CNOT2: variants seen among roughly 807,000 people sequenced by gnomAD.
CNOT2 encodes the protein CCR4-NOT transcription complex subunit 2, also known as CC chemokine receptor 4-negative regulator of transcription 2.
Under a neutral mutation model 72.1 loss-of-function variants are expected in CNOT2, and 7 were observed. The ratio of observed to expected loss-of-function variants is 0.10; its 90% confidence interval spans 0.06 to 0.18. The LOEUF is 0.18. Ranked by LOEUF, CNOT2 falls within the 10% of genes least tolerant of loss-of-function variation. CNOT2 has a pLI of 1.00. For missense variants in CNOT2, 345 were observed against 660.3 expected (o/e 0.52, Z 5.23); for synonymous variants, 196 against 225.6 (o/e 0.87, Z 1.17).
chr12:70,265,845 T>A (rs939965258), intron 1 of CNOT2, among the ~76,000 whole-genome samples: 3 of 152,078 alleles, frequency 2.0e-5, no homozygotes, highest in African/African-American at 7.2e-5. Context: ...TCAAAATATT[T>A]CTAAATTTCC....
chr12:70,338,893 A>G, intron 11 of CNOT2, 71 bp downstream of exon 11: 1 of 1,276,052 alleles, frequency 7.8e-7, no homozygotes, highest in Non-Finnish European at 1.1e-6. Context: ...ATATCATGTC[A>G]TCAAATTATC....
intron 1 of CNOT2, among the ~76,000 whole-genome samples, chr12:70,253,818 C>T (rs987160546): frequency 3.3e-5 from 5 of 152,112 alleles, no homozygotes; most frequent in Non-Finnish European, 5.9e-5. Context: ...TGTTCTGAGA[C>T]CCCAGTGGAT....
chr12:70,244,843 T>C (rs1013022183), intron 1 of CNOT2, among the ~76,000 whole-genome samples: 3 of 152,186 alleles, frequency 2.0e-5, no homozygotes, highest in Non-Finnish European at 2.9e-5. Context: ...GTTGAACATA[T>C]TTAGTGTCAT....
intron 2 of CNOT2, among the ~76,000 whole-genome samples, chr12:70,283,933 T>TTTA (rs1159702966): frequency 2.8e-5 from 4 of 144,938 alleles, no homozygotes; most frequent in Admixed American, 2.8e-4. Flanking sequence ...GATGTAAATT[T>TTTA]TTTTTTTTTT....
chr12:70,303,715 G>C (rs974010971), intron 2 of CNOT2, among the ~76,000 whole-genome samples: 1 of 152,088 alleles, frequency 6.6e-6, no homozygotes, highest in Non-Finnish European at 1.5e-5. Context: ...TCTTCTCGAG[G>C]AGTATCTTTG....
intron 3 of CNOT2, among the ~76,000 whole-genome samples, chr12:70,313,738 A>T (rs1287910178): frequency 6.6e-6 from 1 of 152,158 alleles, no homozygotes; most frequent in African/African-American, 2.4e-5. Context: ...ACCATCTGTA[A>T]TGTAAAAACT....
chr12:70,280,013 A>G (rs1187760936), intron 2 of CNOT2, among the ~76,000 whole-genome samples: 1 of 152,072 alleles, frequency 6.6e-6, no homozygotes, highest in Non-Finnish European at 1.5e-5. Flanking sequence ...AATTGTACGT[A>G]TTTATGGGGT....
intron 1 of CNOT2, among the ~76,000 whole-genome samples, chr12:70,272,088 G>A (rs1035358029): frequency 5.3e-5 from 8 of 152,272 alleles, no homozygotes; most frequent in Admixed American, 5.2e-4. Context: ...ACTAGACAAG[G>A]TGCTTCTGCT....
At chr12:70,259,043 C>T (rs910886849) in intron 1 of CNOT2, among the ~76,000 whole-genome samples, 1 of 152,170 alleles carries the variant, frequency 6.6e-6, no homozygotes, top group Non-Finnish European at 1.5e-5. Context: ...ATATACTCTT[C>T]ACAGTTGTTA....
At chr12:70,335,601 C>T in intron 8 of CNOT2, 38 bp downstream of exon 8, 3 of 1,533,478 alleles carry the variant, frequency 2.0e-6, no homozygotes, top group Non-Finnish European at 2.7e-6. Flanking sequence ...TAGAAAGTTT[C>T]CATTGTATGT....
intron 11 of CNOT2, among the ~76,000 whole-genome samples, chr12:70,339,190 C>T (rs566108137): frequency 6.6e-6 from 1 of 152,000 alleles, no homozygotes; most frequent in East Asian, 1.9e-4. Context: ...ACTTCAGCCA[C>T]TCCTTTAGTT....
chr12:70,340,965 G>C (rs570759859), intron 11 of CNOT2, among the ~76,000 whole-genome samples: 4 of 147,882 alleles, frequency 2.7e-5, no homozygotes, highest in Admixed American at 6.9e-5. Context: ...ATGCAATCTC[G>C]GGTCATTACA....
intron 2 of CNOT2, among the ~76,000 whole-genome samples, chr12:70,305,873 G>GTTTTTTTTTTTTTT (rs11412509): frequency 3.3e-4 from 20 of 60,082 alleles, no homozygotes; most frequent in Non-Finnish European, 4.2e-4. Flanking sequence ...TCTGAAGTTT[G>GTTTTTTTTTTTTTT]TTTTTTTTTT....
At chr12:70,326,282 A>G (rs1042022848) in intron 4 of CNOT2, among the ~76,000 whole-genome samples, 39 of 151,878 alleles carry the variant, frequency 2.6e-4, no homozygotes, top group African/African-American at 9.4e-4. Context: ...TGATTATAAG[A>G]AGGAATTGAG....
At chr12:70,264,078 T>C (rs1224951328) in intron 1 of CNOT2, among the ~76,000 whole-genome samples, 2 of 152,244 alleles carry the variant, frequency 1.3e-5, no homozygotes, top group Non-Finnish European at 2.9e-5. Flanking sequence ...TGCTGGTGAC[T>C]GCTCTTTTGT....
At chr12:70,246,471 T>G (rs2135681096) in intron 1 of CNOT2, among the ~76,000 whole-genome samples, 1 of 152,272 alleles carries the variant, frequency 6.6e-6, no homozygotes, top group Non-Finnish European at 1.5e-5. Flanking sequence ...TAATATGAGG[T>G]GTACTGTAAT....
chr12:70,329,290 T>C (rs1056696009), intron 4 of CNOT2, 133 bp from the exon 5 acceptor site: 2 of 552,352 alleles, frequency 3.6e-6, no homozygotes, highest in African/African-American at 1.9e-5. Context: ...TTGGAGTGAA[T>C]CGAATATATC....
intron 3 of CNOT2, among the ~76,000 whole-genome samples, chr12:70,314,324 A>G (rs1439439755): frequency 6.6e-6 from 1 of 152,094 alleles, no homozygotes; most frequent in Non-Finnish European, 1.5e-5. Flanking sequence ...GTCTTAGGAC[A>G]TCAGTCTCTG....
intron 14 of CNOT2, 178 bp from the exon 15 acceptor site, chr12:70,346,002 T>C: frequency 2.0e-6 from 1 of 505,210 alleles, no homozygotes; most frequent in Non-Finnish European, 3.4e-6. Flanking sequence ...AAGAAATATT[T>C]TTTCTATATT....
Sources: gnomAD v4.1 joint callset for allele counts (sites outside exome capture counted in the v4.1 genomes callset) on GRCh38, gnomAD v4.1.1 for gene constraint, MANE v1.5 for transcripts, NCBI Gene and HGNC (gene_info 2026-07-23, HGNC 2026-07-21) for gene names.